KAZN: variants seen among roughly 807,000 people sequenced by gnomAD.
KAZN encodes kazrin.
In KAZN, 40 loss-of-function variants were observed where a neutral mutation model predicts 87.4. The observed-to-expected ratio is 0.46, with a 90% confidence interval of 0.36 to 0.60. The LOEUF is 0.60. Ranked by LOEUF, KAZN falls within the 20% of genes least tolerant of loss-of-function variation. The probability of loss-of-function intolerance (pLI) is 0.00; values close to 1 mark genes in which losing one functional copy is unlikely to be tolerated. For missense variants in KAZN, 898 were observed against 1,073.9 expected (o/e 0.84, Z 2.29); for synonymous variants, 466 against 458.3 (o/e 1.02, Z -0.22).
Position 14,733,006 on chromosome 1 carries a change from A to G in KAZN, c.226+133783A>G, listed in dbSNP as rs1251789522. Among the ~76,000 whole-genome samples the G allele has an allele frequency of 2.0e-5, 3 of 152,208 alleles. No individual in the cohort carries two copies. In the East Asian group the frequency reaches 5.8e-4, roughly 30 times the overall value. On this transcript the variant is annotated intron_variant, in intron 1 of 14. Transcript: ENST00000376030. ...CGGAGCAAGCAGAAGAGTTTGCTGC[A>G]TGAGATTTGGGAAGAAATTCAAAAA...
intron 1 of KAZN, among the ~76,000 whole-genome samples, chr1:13,924,829 C>T (rs1312091045): frequency 4.6e-5 from 7 of 152,180 alleles, no homozygotes; most frequent in Admixed American, 2.0e-4. Flanking sequence ...GGGCACATGT[C>T]GTCAGGATCC....
At chr1:14,633,836 G>A (rs1012510712) in intron 1 of KAZN, among the ~76,000 whole-genome samples, 8 of 151,862 alleles carry the variant, frequency 5.3e-5, no homozygotes, top group African/African-American at 1.7e-4. Context: ...AGCCTGGCTC[G>A]ACACCTGGTA....
rs572382814 is a variant in KAZN at position 14,003,332 on chromosome 1, T to TA, written c.91+109591dup. ...TGTATCCTGGAACTTAAAGTAAAAT[T>TA]AAAAAAAAAAAAAAAGAAAATTACA... On this transcript the variant is annotated intron_variant, in intron 1 of 16. Coordinates refer to the KAZN transcript ENST00000636203. 7.4e-3 allele frequency among the ~76,000 whole-genome samples: 949 copies of TA among 128,764 alleles called. 7 individuals carry two copies. Among genetic ancestry groups the TA allele is most frequent in the African/African-American group, 0.02 (685 of 34,128 alleles). 84.5% of individuals were successfully genotyped at this position (128,764 alleles called of 152,430 possible). A position where few individuals can be genotyped will look rare whatever the true frequency, so the allele number is the denominator to read the frequency against.
At chr1:14,893,824 TC>T (rs1172856224) in intron 1 of KAZN, among the ~76,000 whole-genome samples, 2 of 152,074 alleles carry the variant, frequency 1.3e-5, no homozygotes, top group Admixed American at 1.3e-4. Flanking sequence ...AACATAAAAG[TC>T]TTGCCCCAGC....
chr1:14,543,187 C>T (rs1041834870), intron 2 of KAZN, among the ~76,000 whole-genome samples: 1 of 152,158 alleles, frequency 6.6e-6, no homozygotes, highest in Non-Finnish European at 1.5e-5. Flanking sequence ...TTATCACAAA[C>T]AATGTGACTC....
At chr1:14,924,574 T>TA in intron 1 of KAZN, 1 of 1,006,040 alleles carries the variant, frequency 9.9e-7, no homozygotes, top group Non-Finnish European at 1.2e-6. Flanking sequence ...GCCAGCCCGG[T>TA]AGGTGCGCGC....
At chr1:14,630,472 A>T (rs1679482390) in intron 1 of KAZN, among the ~76,000 whole-genome samples, 1 of 152,174 alleles carries the variant, frequency 6.6e-6, no homozygotes, top group Admixed American at 6.5e-5. Flanking sequence ...GGATCACTTG[A>T]GCCCAGGTGT....
rs1358577 is a variant in KAZN, at chr1:13,893,691, A to C, written c.26A>C (p.Asn9Thr). Residue 9 changes from asparagine (N) to threonine (T), a missense_variant, in exon 1 of 17, where the codon AAT (asparagine) becomes ACT (threonine). By Grantham distance (65) the Asn-to-Thr change is moderately conservative (BLOSUM62 0). Transcript: ENST00000636203. ...ATGGAATCCACGCTGGCGACATCCA[A>C]TTCTGCCACAGGCCCCGTCACCTTC... The C allele has an allele frequency of 8.4e-6, 13 of 1,550,116 alleles. No homozygotes were observed. In the East Asian group the frequency reaches 3.2e-4, roughly 38 times the overall value.
At chr1:14,437,401 G>T (rs1415468987) in intron 2 of KAZN, among the ~76,000 whole-genome samples, 4 of 152,190 alleles carry the variant, frequency 2.6e-5, no homozygotes, top group African/African-American at 9.6e-5. Context: ...GCTGAGGCTG[G>T]TGCACAATTT....
At chr1:14,656,191 C>T (rs1638778733) in intron 1 of KAZN, among the ~76,000 whole-genome samples, 1 of 152,168 alleles carries the variant, frequency 6.6e-6, no homozygotes, top group Non-Finnish European at 1.5e-5. Flanking sequence ...CATACAAGGT[C>T]ATTCTCGGGG....
chr1:14,845,962 G>C (rs890748110), intron 1 of KAZN, among the ~76,000 whole-genome samples: 1 of 152,172 alleles, frequency 6.6e-6, no homozygotes, highest in South Asian at 2.1e-4. Context: ...CTCAAGCCAA[G>C]TTAGTCAACA....
At chr1:14,746,432 G>A (rs953595846) in intron 1 of KAZN, among the ~76,000 whole-genome samples, 2 of 152,160 alleles carry the variant, frequency 1.3e-5, no homozygotes, top group African/African-American at 2.4e-5. Context: ...TTTCTTGAGG[G>A]AGAGGTCACT....
chr1:14,908,612 G>A (rs1036761181), intron 1 of KAZN, among the ~76,000 whole-genome samples: 2 of 152,168 alleles, frequency 1.3e-5, no homozygotes, highest in African/African-American at 4.8e-5. Flanking sequence ...AGCTACTCAG[G>A]AGGCTGAGGT....
intron 1 of KAZN, among the ~76,000 whole-genome samples, chr1:14,869,199 C>T (rs1302932045): frequency 1.3e-5 from 2 of 152,210 alleles, no homozygotes; most frequent in Non-Finnish European, 2.9e-5. Context: ...TGTCTTGACC[C>T]TTCCAGTTTG....
intron 1 of KAZN, among the ~76,000 whole-genome samples, chr1:14,152,167 G>T (rs1645489750): frequency 6.6e-6 from 1 of 152,104 alleles, no homozygotes; most frequent in Non-Finnish European, 1.5e-5. Context: ...TATCCTTTGT[G>T]TTACAAACAA....
chr1:14,631,697 C>T (rs1480930305), intron 1 of KAZN, among the ~76,000 whole-genome samples: 1 of 152,208 alleles, frequency 6.6e-6, no homozygotes, highest in African/African-American at 2.4e-5. Flanking sequence ...AGGGCGGGAG[C>T]ACATGAGCCT....
intron 1 of KAZN, among the ~76,000 whole-genome samples, chr1:14,083,085 G>A (rs1027450924): frequency 2.0e-5 from 3 of 152,212 alleles, no homozygotes; most frequent in East Asian, 1.9e-4. Flanking sequence ...CCAGCGACTC[G>A]GGAGGTTTCC....
intron 2 of KAZN, among the ~76,000 whole-genome samples, chr1:14,584,247 C>T (rs1437653894): frequency 6.6e-6 from 1 of 152,162 alleles, no homozygotes; most frequent in East Asian, 1.9e-4. Context: ...GGTGACTGAC[C>T]GAGGGATAGG....
At chr1:14,613,481 T>G (rs1677977229) in intron 1 of KAZN, among the ~76,000 whole-genome samples, 1 of 152,212 alleles carries the variant, frequency 6.6e-6, no homozygotes, top group Non-Finnish European at 1.5e-5. Flanking sequence ...TCCCACTGAA[T>G]AGTGATTCCT....
Sources: gnomAD v4.1 joint callset for allele counts (sites outside exome capture counted in the v4.1 genomes callset) on GRCh38, gnomAD v4.1.1 for gene constraint, MANE v1.5 for transcripts, NCBI Gene and HGNC (gene_info 2026-07-23, HGNC 2026-07-21) for gene names.